Variants in PDE4D observed in about 807,000 individuals in gnomAD.
The protein encoded by PDE4D is 3',5'-cyclic-AMP phosphodiesterase 4D.
In PDE4D, 24 loss-of-function variants were observed where a neutral mutation model predicts 87.4. The ratio of observed to expected loss-of-function variants is 0.27; its 90% CI spans 0.20 to 0.39. The LOEUF (loss-of-function observed/expected upper bound fraction) is 0.39. Among genes scored for constraint, PDE4D ranks in the 10% least tolerant of loss-of-function variants. The pLI is 1.00. For synonymous variants in PDE4D, 384 were observed against 383.2 expected, an observed-to-expected ratio of 1.00 and a Z score of -0.02; for missense variants, 714 against 1,041.0, an observed-to-expected ratio of 0.69 and a Z score of 4.32.
intron 1 of PDE4D, among the ~76,000 whole-genome samples, chr5:59,867,314 A>T (rs1443155591): frequency 6.6e-6 from 1 of 152,194 alleles, no homozygotes; most frequent in Admixed American, 6.5e-5. Flanking sequence ...TCAATGAAAA[A>T]GAGATGAACA....
intron 6 of PDE4D, among the ~76,000 whole-genome samples, chr5:59,035,424 C>A (rs749711757): frequency 2.6e-5 from 4 of 152,166 alleles, no homozygotes; most frequent in Non-Finnish European, 4.4e-5. Flanking sequence ...AGACAGTTAT[C>A]TAAGAATTAT....
chr5:58,987,277 G>C (rs1425725661), intron 11 of PDE4D, among the ~76,000 whole-genome samples: 1 of 152,122 alleles, frequency 6.6e-6, no homozygotes, highest in Non-Finnish European at 1.5e-5. Flanking sequence ...GGTGCTCATA[G>C]GTAGGTAGAA....
chr5:59,768,268 C>T (rs1763052809), intron 1 of PDE4D: 1 of 1,598,264 alleles, frequency 6.3e-7, no homozygotes, highest in Non-Finnish European at 8.5e-7. Context: ...CACCGTGAAA[C>T]GCCGCTGTTT....
chr5:59,031,474 G>A (rs796756201), intron 6 of PDE4D, among the ~76,000 whole-genome samples: 8 of 143,466 alleles, frequency 5.6e-5, no homozygotes, highest in East Asian at 4.4e-4. Context: ...TTGGGAGGCC[G>A]AGGCGGGCCG....
At chr5:59,944,509 T>C (rs1473900536) in intron 3 of PDE4D, among the ~76,000 whole-genome samples, 1 of 152,106 alleles carries the variant, frequency 6.6e-6, no homozygotes, top group Non-Finnish European at 1.5e-5. Context: ...GTAGCTGGGA[T>C]TACACGCCCC....
At chr5:59,716,364 C>T (rs1561530513) in intron 1 of PDE4D, among the ~76,000 whole-genome samples, 1 of 152,178 alleles carries the variant, frequency 6.6e-6, no homozygotes, top group African/African-American at 2.4e-5. Context: ...CAGTTCCTCA[C>T]GTGTTTTTCC....
intron 2 of PDE4D, among the ~76,000 whole-genome samples, chr5:60,134,386 T>C (rs1007416185): frequency 9.9e-5 from 15 of 152,112 alleles, no homozygotes; most frequent in African/African-American, 3.6e-4. Context: ...ACACATGTGG[T>C]CCTAACTACT....
intron 1 of PDE4D, among the ~76,000 whole-genome samples, chr5:59,623,984 T>C (rs1307519962): frequency 1.3e-5 from 2 of 150,678 alleles, no homozygotes; most frequent in African/African-American, 5.0e-5. Flanking sequence ...TTAACTATCA[T>C]AAATATTATT....
intron 1 of PDE4D, among the ~76,000 whole-genome samples, chr5:60,300,609 T>G (rs1289123194): frequency 1.3e-5 from 2 of 152,188 alleles, no homozygotes; most frequent in Non-Finnish European, 2.9e-5. Flanking sequence ...ATTTCAATTT[T>G]CTGCATATGG....
At chr5:59,020,791 T>C (rs1375545648) in intron 6 of PDE4D, among the ~76,000 whole-genome samples, 1 of 152,100 alleles carries the variant, frequency 6.6e-6, no homozygotes, top group Non-Finnish European at 1.5e-5. Context: ...GCAAAATGAC[T>C]CATTCCCTTG....
At chr5:59,189,232 G>GT (rs34203891) in intron 3 of PDE4D, among the ~76,000 whole-genome samples, 38,747 of 99,766 alleles carry the variant, frequency 0.39, 6,883 homozygotes, top group African/African-American at 0.5. Context: ...TTCCTACCCC[G>GT]TTTTTTTTTT....
chr5:59,371,258 T>A (rs1355507381), intron 1 of PDE4D, among the ~76,000 whole-genome samples: 2 of 152,190 alleles, frequency 1.3e-5, no homozygotes, highest in African/African-American at 4.8e-5. Flanking sequence ...AGTGGGACCT[T>A]TGTTCCATTT....
chr5:60,165,144 G>C (rs1782776869), intron 2 of PDE4D, among the ~76,000 whole-genome samples: 1 of 151,844 alleles, frequency 6.6e-6, no homozygotes, highest in South Asian at 2.1e-4. Context: ...TTCTCTTTTT[G>C]TGCCTGGCTT....
At chr5:59,779,314 C>G (rs776699268) in intron 1 of PDE4D, among the ~76,000 whole-genome samples, 2 of 152,150 alleles carry the variant, frequency 1.3e-5, no homozygotes, top group African/African-American at 4.8e-5. Flanking sequence ...AGCCCTCCAT[C>G]CCCAAACTCA....
At chr5:60,162,616 C>A (rs114214949) in intron 2 of PDE4D, among the ~76,000 whole-genome samples, 2 of 152,054 alleles carry the variant, frequency 1.3e-5, no homozygotes, top group Non-Finnish European at 2.9e-5. Context: ...ACCTGGGGAG[C>A]TTGTTTAACT....
At chr5:59,531,341 CTGATAACTTCCTA>C (rs1330923940) in intron 1 of PDE4D, among the ~76,000 whole-genome samples, 3 of 152,206 alleles carry the variant, frequency 2.0e-5, no homozygotes, top group African/African-American at 7.2e-5. Flanking sequence ...TGCATCCCTA[CTGATAACTTCCTA>C]TGTCATTCCC....
chr5:59,269,682 G>A (rs1422137567), intron 1 of PDE4D, among the ~76,000 whole-genome samples: 1 of 151,552 alleles, frequency 6.6e-6, no homozygotes, highest in South Asian at 2.1e-4. Context: ...TGGGGTGGGG[G>A]GTAAATGTAC....
Position 59,949,505 on chromosome 5 carries a change from A to C in PDE4D, c.272+38983T>G, listed in dbSNP as rs146286143. 2.0e-5 allele frequency among the ~76,000 whole-genome samples: 3 copies of C among 152,208 alleles called. No individual in the cohort carries two copies. The East Asian group carries it at 5.8e-4, about 29-fold the overall frequency. ...TGTATTAGAAACACACGTGATAAAG[A>C]ATCTACCAAACTATCTGGTTTAACT... On this transcript the variant is annotated intron_variant, in intron 3 of 16. Coordinates refer to the PDE4D transcript ENST00000502484.
chr5:60,047,510 T>C (rs1479323473), intron 2 of PDE4D, among the ~76,000 whole-genome samples: 1 of 152,244 alleles, frequency 6.6e-6, no homozygotes, highest in Non-Finnish European at 1.5e-5. Context: ...CATTTAGTGC[T>C]ATAAATTTCC....
Sources: gnomAD v4.1 joint callset for allele counts (sites outside exome capture counted in the v4.1 genomes callset) on GRCh38, gnomAD v4.1.1 for gene constraint, MANE v1.5 for transcripts, NCBI Gene and HGNC (gene_info 2026-07-23, HGNC 2026-07-21) for gene names.